Variants in STAT1 observed in about 807,000 individuals in gnomAD.
The protein encoded by STAT1 is signal transducer and activator of transcription 1-alpha/beta.
Under a neutral mutation model 111.7 loss-of-function variants are expected in STAT1, and 24 were observed. The ratio of observed to expected loss-of-function variants is 0.21; its 90% CI spans 0.16 to 0.30. The LOEUF is 0.30. Ranked by LOEUF, STAT1 falls within the 10% of genes least tolerant of loss-of-function variation. The pLI, the probability that STAT1 is intolerant of heterozygous loss-of-function variation, is 1.00. For synonymous variants in STAT1, 332 were observed against 326.5 expected (o/e 1.02, Z -0.18); for missense variants, 351 against 911.9 (o/e 0.38, Z 7.92).
intron 5 of STAT1, among the ~76,000 whole-genome samples, chr2:191,001,684 A>G (rs552805574): frequency 4.6e-5 from 7 of 152,346 alleles, no homozygotes; most frequent in Admixed American, 2.6e-4. Flanking sequence ...AAGGCCATCA[A>G]TGAAAATCTG....
intron 5 of STAT1, 60 bp from the exon 6 acceptor site, chr2:191,001,223 T>A: frequency 7.3e-7 from 1 of 1,366,166 alleles, no homozygotes; most frequent in Non-Finnish European, 1.0e-6. Context: ...ACTTGCTGGT[T>A]ACACTCCAAA....
chr2:190,983,545 C>T lies in STAT1; in HGVS notation c.1446+97G>A, dbSNP rs1282315223. On this transcript the variant is annotated intron_variant, in intron 17 of 24. Coordinates refer to ENST00000361099, the MANE Select transcript of STAT1 (RefSeq NM_007315.4). This position sits in a 1 kb window ranked among gnomAD's most constrained non-coding sequence, Gnocchi z 5.7. ...ACCACAGGAGCTTTGTCACTTCTCC[C>T]TTAACAACTGGCCATTGGGGCTATT... The T allele has an allele frequency of 9.2e-7, 1 of 1,086,436 alleles. No homozygotes were observed. The highest frequency in any genetic ancestry group is 1.5e-5 in the African/African-American group (1 of 64,740). The allele number at this position is 1,086,436 out of a possible 1,614,324, so 67.3% of individuals were successfully genotyped here. A position where few individuals can be genotyped will look rare whatever the true frequency, so the allele number is the denominator to read the frequency against.
rs1692679520 is a variant in STAT1, at chr2:190,984,890, C to T, written c.1264-497G>A. On this transcript the variant is annotated intron_variant, in intron 15 of 24. Coordinates refer to ENST00000361099, the MANE Select transcript of STAT1 (RefSeq NM_007315.4). The surrounding 1 kb of genome is among the most constrained non-coding windows in gnomAD (Gnocchi z 5.2). ...TTCATAAGCATTACCTCATGTGAGC[C>T]TCACAACTTAGAACTAGAGAGGTGC... is the stretch of plus-strand genomic sequence containing the variant. Among the ~76,000 whole-genome samples the T allele has an allele frequency of 6.6e-6, 1 of 152,194 alleles. No individual in the cohort carries two copies. The highest frequency in any genetic ancestry group is 1.5e-5 in the Non-Finnish European group (1 of 68,032).
At chr2:190,991,109 AGT>A (rs1204550670) in intron 11 of STAT1, 117 bp downstream of exon 11, 3 of 794,134 alleles carry the variant, frequency 3.8e-6, no homozygotes, top group Non-Finnish European at 6.6e-6. Context: ...TTCATATTAA[AGT>A]GCCCCCTGAA....
Position 190,989,593 on chromosome 2 carries a change from T to G in STAT1, c.1097+22A>C. Reference sequence around the variant, plus strand: ...ACATTTCAATAGTACATGTATGTTATATAATGTTAAAGATATCTTACTTAT... The same window carrying G: ...ACATTTCAATAGTACATGTATGTTAGATAATGTTAAAGATATCTTACTTAT... On this transcript the variant is annotated intron_variant, in intron 12 of 24. Coordinates refer to ENST00000361099, the MANE Select transcript of STAT1 (RefSeq NM_007315.4). The surrounding 1 kb of genome is among the most constrained non-coding windows in gnomAD (Gnocchi z 5.0). The G allele has an allele frequency of 1.5e-6, 2 of 1,358,614 alleles. No homozygotes were observed. The highest frequency in any genetic ancestry group is 2.5e-5 in the South Asian group (2 of 79,782). The allele number at this position is 1,358,614 out of a possible 1,614,324, so 84.2% of individuals were successfully genotyped here.
At position 191,012,358 on chromosome 2, in the gene STAT1, G is replaced by A. The variant is rs1268233940; in HGVS notation, c.-2+1167C>T. Among the ~76,000 whole-genome samples, 1 of 151,814 alleles carries A rather than the reference G, an allele frequency of 6.6e-6. No homozygotes were observed. Among genetic ancestry groups the A allele is most frequent in the Non-Finnish European group, 1.5e-5 (1 of 67,970 alleles). Reference sequence around the variant, plus strand: ...TTGAACCCAGGAGGCGGAGGTTGCAGTGAGCTGAGATCGCGCCACTGTACT... The same window carrying A: ...TTGAACCCAGGAGGCGGAGGTTGCAATGAGCTGAGATCGCGCCACTGTACT... On this transcript the variant is annotated intron_variant, in intron 2 of 24. Coordinates refer to ENST00000361099, the MANE Select transcript of STAT1 (RefSeq NM_007315.4). This position sits in a 1 kb window ranked among gnomAD's most constrained non-coding sequence, Gnocchi z 4.0.
chr2:190,979,410 G>A lies in STAT1; in HGVS notation c.1727+362C>T, dbSNP rs1574641200. Among the ~76,000 whole-genome samples the A allele has an allele frequency of 6.6e-6, 1 of 152,226 alleles. No individual in the cohort carries two copies. The highest frequency in any genetic ancestry group is 3.4e-3 in the Middle Eastern group (1 of 292). On this transcript the variant is annotated intron_variant, in intron 20 of 24. Transcript: ENST00000361099. The surrounding 1 kb of genome is among the most constrained non-coding windows in gnomAD (Gnocchi z 5.8). ...TAAAGCTTCTGTTGAAATATCAGCC[G>A]ATCCTGGCAATAAGTCAAGATAGAA...
Position 191,003,761 on chromosome 2 carries a change from C to G in STAT1, c.373-2598G>C, listed in dbSNP as rs992655129. On this transcript the variant is annotated intron_variant, in intron 5 of 24. Transcript: ENST00000361099. This position sits in a 1 kb window ranked among gnomAD's most constrained non-coding sequence, Gnocchi z 4.0. ...ATAAATTACCCAGTCTCAGGTATTT[C>G]TTTATAGCCATGCAAGAACAGACTA... is the stretch of plus-strand genomic sequence containing the variant. Among the ~76,000 whole-genome samples the G allele has an allele frequency of 6.6e-6, 1 of 152,162 alleles. No homozygotes were observed. Among genetic ancestry groups the G allele is most frequent in the Non-Finnish European group, 1.5e-5 (1 of 68,026 alleles).
chr2:190,983,213 C>T lies in STAT1; in HGVS notation c.1446+429G>A, dbSNP rs939736454. On this transcript the variant is annotated intron_variant, in intron 17 of 24. Coordinates refer to ENST00000361099, the MANE Select transcript of STAT1 (RefSeq NM_007315.4). The surrounding 1 kb of genome is among the most constrained non-coding windows in gnomAD (Gnocchi z 5.7). The stretch of plus-strand genomic sequence containing the variant: ...TGTTGTGACCAGAGGCTTGAAGGAA[C>T]CTAGCCTCGTAGTTCCCTTAGGAGC... Among the ~76,000 whole-genome samples, 1 of 152,132 alleles carries T rather than the reference C, an allele frequency of 6.6e-6. No homozygotes were observed. Among genetic ancestry groups the T allele is most frequent in the Non-Finnish European group, 1.5e-5 (1 of 68,010 alleles).
chr2:191,011,595 T>G (rs1324834082), intron 2 of STAT1, among the ~76,000 whole-genome samples: 1 of 152,088 alleles, frequency 6.6e-6, no homozygotes, highest in Non-Finnish European at 1.5e-5. Flanking sequence ...CCCACCCAAA[T>G]CTTACCTCGA....
intron 2 of STAT1, among the ~76,000 whole-genome samples, chr2:191,011,909 CCTGG>C (rs1695150335): frequency 6.6e-6 from 1 of 151,896 alleles, no homozygotes; most frequent in Non-Finnish European, 1.5e-5. Context: ...AGCCAAGAAG[CCTGG>C]CTAATTTTTA....
intron 5 of STAT1, among the ~76,000 whole-genome samples, chr2:191,005,704 A>G (rs1032976827): frequency 1.3e-5 from 2 of 152,230 alleles, no homozygotes; most frequent in Non-Finnish European, 2.9e-5. Flanking sequence ...TAAGTGATGC[A>G]TGTCTGTATT....
In STAT1 at chr2:190,973,679, G is replaced by A. The variant is rs1691674530; in HGVS notation, c.2238+1151C>T. On this transcript the variant is annotated intron_variant, in intron 24 of 24. Transcript: ENST00000361099. This position sits in a 1 kb window ranked among gnomAD's most constrained non-coding sequence, Gnocchi z 4.4. ...TCTAGCAGGATCCTTCTTACATGCA[G>A]AAAAGGTTCATTTTACACTTGCCAA... Among the ~76,000 whole-genome samples, 1 of 152,176 alleles carries A rather than the reference G, an allele frequency of 6.6e-6. No individual in the cohort carries two copies. Among genetic ancestry groups the A allele is most frequent in the Admixed American group, 6.5e-5 (1 of 15,286 alleles).
chr2:190,973,811 G>A lies in STAT1; in HGVS notation c.2238+1019C>T, dbSNP rs1212111593. Among the ~76,000 whole-genome samples, 2 of 152,174 alleles carry A rather than the reference G, an allele frequency of 1.3e-5. No homozygotes were observed. Among genetic ancestry groups the A allele is most frequent in the Admixed American group, 1.3e-4 (2 of 15,280 alleles). On this transcript the variant is annotated intron_variant, in intron 24 of 24. Coordinates refer to ENST00000361099, the MANE Select transcript of STAT1 (RefSeq NM_007315.4). The surrounding 1 kb of genome is among the most constrained non-coding windows in gnomAD (Gnocchi z 4.4). ...TAGGAAGGTACAATCTCTAATGATT[G>A]TAGCCCGTGCTTAAGGTGAGGAAAA...
rs564953558 is a variant in STAT1 at position 190,971,822 on chromosome 2, C to G, written c.2239-1105G>C. On this transcript the variant is annotated intron_variant, in intron 24 of 24. Coordinates refer to ENST00000361099, the MANE Select transcript of STAT1 (RefSeq NM_007315.4). This position sits in a 1 kb window ranked among gnomAD's most constrained non-coding sequence, Gnocchi z 4.1. ...CCACCTTCCAGGTTCAAGCGATCCT[C>G]CTGCCTCAGCCCCCCTAGTAGCTGG... Among the ~76,000 whole-genome samples, 39 of 152,180 alleles carry G rather than the reference C, an allele frequency of 2.6e-4. 1 individual carries two copies. The East Asian group carries it at 7.5e-3, about 29-fold the overall frequency.
At chr2:191,002,658 C>A (rs1016852429) in intron 5 of STAT1, among the ~76,000 whole-genome samples, 2 of 152,124 alleles carry the variant, frequency 1.3e-5, no homozygotes, top group South Asian at 4.1e-4. Context: ...TTTCTCTTGT[C>A]TAATTGCATT....
At position 191,003,060 on chromosome 2, in the gene STAT1, T is replaced by C. The variant is rs77535162; in HGVS notation, c.373-1897A>G. ...AATATCTTATTGAGGACTTTTATATTGATACTCATAAGTAAAATTGGTCCA... is the reference window on the plus strand; with the variant it reads ...AATATCTTATTGAGGACTTTTATATCGATACTCATAAGTAAAATTGGTCCA... On this transcript the variant is annotated intron_variant, in intron 5 of 24. Transcript: ENST00000361099. The surrounding 1 kb of genome is among the most constrained non-coding windows in gnomAD (Gnocchi z 4.0). Among the ~76,000 whole-genome samples the C allele has an allele frequency of 6.8e-4, 104 of 152,354 alleles. 5 individuals carry two copies. In the East Asian group the frequency reaches 0.016, roughly 23 times the overall value.
chr2:190,991,335 C>T lies in STAT1; in HGVS notation c.945-15G>A. ...CCACAAACGAGCTGCAAATACCCAG[C>T]AAAGGATAGATAAGTTAGCATTTCC... On this transcript the variant is annotated splice_polypyrimidine_tract_variant and intron_variant, in intron 10 of 24. Transcript: ENST00000361099. The T allele has an allele frequency of 1.2e-6, 2 of 1,613,336 alleles. No individual in the cohort carries two copies. Among genetic ancestry groups the T allele is most frequent in the Non-Finnish European group, 1.7e-6 (2 of 1,179,418 alleles).
Position 190,982,325 on chromosome 2 carries a change from G to C in STAT1, c.1582+58C>G. On this transcript the variant is annotated intron_variant, in intron 18 of 24. Transcript: ENST00000361099. The surrounding 1 kb of genome is among the most constrained non-coding windows in gnomAD (Gnocchi z 7.3). The stretch of plus-strand genomic sequence containing the variant: ...ATAGCAGAGGGGAAAAGAGCAATTA[G>C]AGAGATATTTTTATGAATTTCAATT... 12 of 1,592,482 alleles carry C rather than the reference G, an allele frequency of 7.5e-6. No individual in the cohort carries two copies. The highest frequency in any genetic ancestry group is 1.3e-5 in the African/African-American group (1 of 74,590).
Sources: allele counts gnomAD v4.1 joint callset (sites outside exome capture counted in the v4.1 genomes callset), GRCh38; gene constraint gnomAD v4.1.1; non-coding constraint Gnocchi (gnomAD v3.1); transcripts MANE v1.5; gene names NCBI Gene and HGNC (gene_info 2026-07-23, HGNC 2026-07-21).